UNC13C: variants seen among roughly 807,000 people sequenced by gnomAD.
UNC13C encodes protein unc-13 homolog C.
A neutral mutation model predicts 245.4 loss-of-function variants in UNC13C; 174 were observed. The observed-to-expected ratio is 0.71, with a 90% CI of 0.63 to 0.80. The LOEUF is 0.80. Ranked by LOEUF, UNC13C falls within the 30% of genes least tolerant of loss-of-function variation. UNC13C has a pLI of 0.00. For missense variants in UNC13C, 2,829 were observed against 2,602.9 expected (o/e 1.09, Z -1.89); for synonymous variants, 992 against 895.1 (o/e 1.11, Z -1.93).
At chr15:54,085,787 C>G (rs73419199) in intron 2 of UNC13C, among the ~76,000 whole-genome samples, 6,325 of 152,116 alleles carry the variant, frequency 0.042, 261 homozygotes, top group South Asian at 0.13. Context: ...GCTGATGCTT[C>G]ATGACATTTG....
intron 13 of UNC13C, among the ~76,000 whole-genome samples, chr15:54,303,902 G>A (rs907954603): frequency 1.3e-5 from 2 of 152,024 alleles, no homozygotes; most frequent in Admixed American, 6.6e-5. Flanking sequence ...TTTCTGATAA[G>A]CCTTTAAGAT....
the UNC13C span, among the ~76,000 whole-genome samples, chr15:53,921,386 A>G: frequency 6.6e-6 from 1 of 152,208 alleles, no homozygotes; most frequent in Non-Finnish European, 1.5e-5. Context: ...CTTTTTTAAA[A>G]GGAAATTCAC....
At chr15:54,438,717 A>G (rs1376283077) in intron 19 of UNC13C, among the ~76,000 whole-genome samples, 2 of 151,902 alleles carry the variant, frequency 1.3e-5, no homozygotes, top group East Asian at 1.9e-4. Context: ...TGGTGAGGAA[A>G]TATTTCTAGA....
chr15:54,603,779 A>G (rs1462872652), intron 30 of UNC13C, among the ~76,000 whole-genome samples: 4 of 152,092 alleles, frequency 2.6e-5, no homozygotes, highest in Non-Finnish European at 5.9e-5. Flanking sequence ...CAGGAGAATC[A>G]CTTGAAACGG....
At chr15:54,037,991 A>T (rs1265535354) in intron 2 of UNC13C, among the ~76,000 whole-genome samples, 1 of 149,644 alleles carries the variant, frequency 6.7e-6, no homozygotes, top group East Asian at 1.9e-4. Context: ...CTGTTTACAT[A>T]TATCATTTTA....
the UNC13C span, among the ~76,000 whole-genome samples, chr15:53,963,343 G>T: frequency 6.6e-6 from 1 of 152,186 alleles, no homozygotes; most frequent in African/African-American, 2.4e-5. Flanking sequence ...AGGGAAGACA[G>T]ACTGTCACAA....
the UNC13C span, among the ~76,000 whole-genome samples, chr15:53,916,769 T>C: frequency 2.0e-4 from 30 of 152,276 alleles, no homozygotes; most frequent in East Asian, 5.8e-3. Context: ...TTGAGAACAA[T>C]CACACATCAG....
At chr15:54,366,516 T>C (rs555908531) in intron 17 of UNC13C, among the ~76,000 whole-genome samples, 4 of 152,306 alleles carry the variant, frequency 2.6e-5, no homozygotes, top group African/African-American at 9.6e-5. Context: ...ATGTAGTACA[T>C]TTAACCCACT....
chr15:54,600,065 A>G (rs1899325200), intron 30 of UNC13C, among the ~76,000 whole-genome samples: 1 of 152,084 alleles, frequency 6.6e-6, no homozygotes, highest in Admixed American at 6.6e-5. Context: ...TTAACCTCTT[A>G]TATGACCAGG....
At chr15:54,297,675 C>G in intron 11 of UNC13C, 136 bp from the exon 12 acceptor site, 2 of 678,550 alleles carry the variant, frequency 2.9e-6, no homozygotes, top group East Asian at 2.7e-5. Context: ...ACTTAATAAG[C>G]AGCTCTGACT....
chr15:53,873,921 TTTCTTCCTTCCTTCCTTCC>T, the UNC13C span, among the ~76,000 whole-genome samples: 1 of 20,386 alleles, frequency 4.9e-5, no homozygotes, highest in Non-Finnish European at 1.1e-4. Flanking sequence ...CCTTCCTTCC[TTTCTTCCTTCCTTCCTTCC>T]TTCCTTCCTT....
chr15:53,918,145 TCAC>T, the UNC13C span, among the ~76,000 whole-genome samples: 5 of 152,236 alleles, frequency 3.3e-5, no homozygotes, highest in Admixed American at 3.3e-4. Context: ...GATTGGCTGT[TCAC>T]TTTCAACCCT....
intron 17 of UNC13C, among the ~76,000 whole-genome samples, chr15:54,385,171 A>G (rs2039810103): frequency 6.6e-6 from 1 of 152,136 alleles, no homozygotes; most frequent in Non-Finnish European, 1.5e-5. Flanking sequence ...TTATTCACAA[A>G]GAATAGTGGA....
intron 19 of UNC13C, among the ~76,000 whole-genome samples, chr15:54,471,528 T>C (rs1329581830): frequency 6.6e-6 from 1 of 151,678 alleles, no homozygotes; most frequent in African/African-American, 2.4e-5. Context: ...CCCCTTTGGC[T>C]TTCTTTGCAT....
chr15:53,909,476 G>A, the UNC13C span, among the ~76,000 whole-genome samples: 82 of 146,690 alleles, frequency 5.6e-4, 2 homozygotes, highest in African/African-American at 1.9e-3. Flanking sequence ...AACAGTGGCC[G>A]GGCGTGGTGG....
chr15:54,041,214 A>T (rs951287231), intron 2 of UNC13C, among the ~76,000 whole-genome samples: 5 of 152,228 alleles, frequency 3.3e-5, no homozygotes, highest in African/African-American at 1.2e-4. Context: ...TTGGCTTAGC[A>T]TATGTCACAA....
chr15:54,451,428 A>G (rs546781216), intron 19 of UNC13C, among the ~76,000 whole-genome samples: 46 of 151,978 alleles, frequency 3.0e-4, no homozygotes, highest in African/African-American at 1.1e-3. Context: ...TAGTCCTTTT[A>G]TGCTGTCCCA....
chr15:53,966,057 C>G, the UNC13C span, among the ~76,000 whole-genome samples: 4,718 of 152,218 alleles, frequency 0.031, 99 homozygotes, highest in South Asian at 0.059. Context: ...CCCCGTGTCT[C>G]TCATTCTCCT....
the UNC13C span, among the ~76,000 whole-genome samples, chr15:53,967,217 A>T: frequency 6.6e-6 from 1 of 151,990 alleles, no homozygotes; most frequent in Non-Finnish European, 1.5e-5. Flanking sequence ...AGGGGATATC[A>T]TTATGCTTCA....
Sources: gnomAD v4.1 joint callset for allele counts (sites outside exome capture counted in the v4.1 genomes callset) on GRCh38, gnomAD v4.1.1 for gene constraint, MANE v1.5 for transcripts, NCBI Gene and HGNC (gene_info 2026-07-23, HGNC 2026-07-21) for gene names.